Variants in CD109 observed in about 807,000 individuals in gnomAD.
The protein encoded by CD109 is CD109 antigen.
CD109 carries 149 observed loss-of-function variants against 165.8 expected under a neutral mutation model. That is an observed-to-expected ratio of 0.90 (90% CI 0.79 to 1.03). CD109 has a LOEUF of 1.03. Among genes scored for constraint, CD109 ranks in the 50% least tolerant of loss-of-function variants. The pLI is 0.00. For synonymous variants in CD109, 585 were observed against 592.1 expected, an observed-to-expected ratio of 0.99 and a Z score of 0.18; for missense variants, 1,712 against 1,677.8, an observed-to-expected ratio of 1.02 and a Z score of -0.36.
chr6:73,724,894 G>T (rs1246099288), intron 3 of CD109, among the ~76,000 whole-genome samples: 1 of 152,120 alleles, frequency 6.6e-6, no homozygotes, highest in Non-Finnish European at 1.5e-5. Context: ...GAACCACCAT[G>T]CCTGGCCCAC....
chr6:73,823,317 A>G, intron 32 of CD109, 141 bp from the exon 33 acceptor site: 2 of 650,688 alleles, frequency 3.1e-6, no homozygotes, highest in Non-Finnish European at 5.2e-6. Flanking sequence ...TGGACATTTC[A>G]GTTGTTTCTT....
chr6:73,728,972 C>T (rs1275746585), intron 3 of CD109, among the ~76,000 whole-genome samples: 1 of 152,200 alleles, frequency 6.6e-6, no homozygotes, highest in Admixed American at 6.5e-5. Context: ...CACGAGGTTG[C>T]AATCAAGATA....
intron 23 of CD109, among the ~76,000 whole-genome samples, chr6:73,796,656 T>C (rs1438228864): frequency 6.6e-6 from 1 of 152,228 alleles, no homozygotes; most frequent in Non-Finnish European, 1.5e-5. Context: ...GAATAACTTA[T>C]TACCAATATT....
Position 73,696,258 on chromosome 6 carries a change from G to A in CD109, c.43G>A (p.Val15Met), listed in dbSNP as rs757918232. 2 of 1,537,610 alleles carry A rather than the reference G, an allele frequency of 1.3e-6. No homozygotes were observed. Among genetic ancestry groups the A allele is most frequent in the Non-Finnish European group, 8.7e-7 (1 of 1,147,154 alleles). ...CCTGACCGCCGCCCACCTCCTCTGC[G>A]TGTGCACCGCCGCGCTGGCCGTGGC... The part of the protein sequence containing the change: ...PLLTAAHLLC[V>M]CTAALAVAPG... The change falls in exon 1 of 33, where the codon GTG becomes ATG. Residue 15 changes from valine to methionine, a missense_variant. Coordinates refer to ENST00000287097, the MANE Select transcript of CD109 (RefSeq NM_133493.5).
intron 2 of CD109, among the ~76,000 whole-genome samples, chr6:73,702,837 G>T (rs1345914177): frequency 6.6e-6 from 1 of 152,204 alleles, no homozygotes; most frequent in Non-Finnish European, 1.5e-5. Flanking sequence ...AATTATTCAA[G>T]AAAATGGTAG....
intron 28 of CD109, among the ~76,000 whole-genome samples, chr6:73,811,790 G>T (rs769052309): frequency 7.9e-5 from 12 of 152,168 alleles, no homozygotes; most frequent in Non-Finnish European, 1.2e-4. Context: ...ATGAAGAGTG[G>T]TGATGATAAA....
At chr6:73,735,298 T>C (rs1360400437) in intron 4 of CD109, among the ~76,000 whole-genome samples, 1 of 152,234 alleles carries the variant, frequency 6.6e-6, no homozygotes, top group African/African-American at 2.4e-5. Context: ...GTATAGCCAC[T>C]GCTTTTTATA....
At chr6:73,773,977 T>C (rs1249419298) in intron 15 of CD109, among the ~76,000 whole-genome samples, 1 of 152,214 alleles carries the variant, frequency 6.6e-6, no homozygotes, top group East Asian at 1.9e-4. Flanking sequence ...TTCAGTCAAC[T>C]CAGCTTAGTG....
At chr6:73,728,681 C>G (rs1309476156) in intron 3 of CD109, among the ~76,000 whole-genome samples, 1 of 152,164 alleles carries the variant, frequency 6.6e-6, no homozygotes, top group African/African-American at 2.4e-5. Flanking sequence ...TCTTCATATT[C>G]TTAACCACAT....
chr6:73,784,133 G>A (rs1582153753), intron 19 of CD109, among the ~76,000 whole-genome samples: 1 of 152,140 alleles, frequency 6.6e-6, no homozygotes, highest in African/African-American at 2.4e-5. Context: ...GAGGAGAGGA[G>A]AGAGAGAGTG....
chr6:73,706,751 A>C (rs1582036902), intron 2 of CD109, among the ~76,000 whole-genome samples: 1 of 152,204 alleles, frequency 6.6e-6, no homozygotes, highest in Non-Finnish European at 1.5e-5. Flanking sequence ...TTAAAATCCG[A>C]AAACCAGACT....
chr6:73,773,921 A>G (rs112888775), intron 15 of CD109, among the ~76,000 whole-genome samples: 48 of 151,138 alleles, frequency 3.2e-4, no homozygotes, highest in South Asian at 2.7e-3. Flanking sequence ...TTTTTGTTTT[A>G]TGTTTTCTAT....
intron 22 of CD109, among the ~76,000 whole-genome samples, chr6:73,791,152 T>TAC (rs1427344564): frequency 3.4e-5 from 2 of 58,394 alleles, no homozygotes; most frequent in African/African-American, 1.8e-4. Flanking sequence ...TATATATATA[T>TAC]ATATATATAT....
rs546792349 is a variant in CD109 at position 73,769,928 on chromosome 6, A to G, written c.1675-1501A>G. Among the ~76,000 whole-genome samples, 7 of 152,372 alleles carry G rather than the reference A, an allele frequency of 4.6e-5. 1 individual carries two copies. In the South Asian group the frequency reaches 1.4e-3, roughly 32 times the overall value. ...AAGTTAAACAGGTAAGGAAGGCTTT[A>G]TTCAAGACTATTGCAATGGAAGAGA... On this transcript the variant is annotated intron_variant, in intron 14 of 32. Transcript: ENST00000287097.
intron 2 of CD109, among the ~76,000 whole-genome samples, chr6:73,701,824 G>A (rs77439035): frequency 0.011 from 1,746 of 152,188 alleles, 29 homozygotes; most frequent in African/African-American, 0.04. Flanking sequence ...GCTCACAACC[G>A]TAATCCCAGA....
chr6:73,721,712 A>C (rs913743526), intron 2 of CD109, among the ~76,000 whole-genome samples: 2 of 151,770 alleles, frequency 1.3e-5, no homozygotes, highest in African/African-American at 4.8e-5. Context: ...AAGAAGTTAA[A>C]GTGTTTCTCT....
At chr6:73,773,205 C>G (rs1300737302) in intron 15 of CD109, among the ~76,000 whole-genome samples, 2 of 150,212 alleles carry the variant, frequency 1.3e-5, no homozygotes, top group Admixed American at 6.6e-5. Context: ...TATATATTTA[C>G]AAGTATATTT....
At chr6:73,715,110 A>T (rs1771677727) in intron 2 of CD109, among the ~76,000 whole-genome samples, 1 of 152,112 alleles carries the variant, frequency 6.6e-6, no homozygotes, top group South Asian at 2.1e-4. Context: ...AACACAAAAA[A>T]TTAGCCAGCT....
chr6:73,768,953 CTTTA>C (rs1199420490), intron 14 of CD109, among the ~76,000 whole-genome samples: 2 of 151,996 alleles, frequency 1.3e-5, no homozygotes, highest in East Asian at 1.9e-4. Flanking sequence ...TTTCTTTTTC[CTTTA>C]TTTGTTAAAA....
Sources: gnomAD v4.1 joint callset for allele counts (sites outside exome capture counted in the v4.1 genomes callset) on GRCh38, gnomAD v4.1.1 for gene constraint, MANE v1.5 for transcripts, NCBI Gene and HGNC (gene_info 2026-07-23, HGNC 2026-07-21) for gene names.